Variants in ROBO2 observed in about 807,000 individuals in gnomAD.
ROBO2 encodes roundabout guidance receptor 2, also known as roundabout homolog 2.
Under a neutral mutation model 160.8 loss-of-function variants are expected in ROBO2, and 53 were observed. That is an observed-to-expected ratio of 0.33 (90% CI 0.26 to 0.41). The LOEUF (loss-of-function observed/expected upper bound fraction) is 0.41, where lower values mean the gene tolerates loss of function less well. ROBO2 is among the 10% of genes least tolerant of loss of function. The probability of loss-of-function intolerance (pLI) is 1.00; values close to 1 mark genes in which losing one functional copy is unlikely to be tolerated. For missense variants in ROBO2, 1,577 were observed against 1,722.4 expected, an observed-to-expected ratio of 0.92 and a Z score of 1.49; for synonymous variants, 664 against 611.7, an observed-to-expected ratio of 1.09 and a Z score of -1.26.
chr3:77,268,498 A>G (rs1267636956), intron 2 of ROBO2, among the ~76,000 whole-genome samples: 1 of 152,172 alleles, frequency 6.6e-6, no homozygotes, highest in Admixed American at 6.5e-5. Context: ...CCACCTGAAA[A>G]AGAGTTTAGG....
intron 2 of ROBO2, among the ~76,000 whole-genome samples, chr3:77,245,321 C>T (rs2089598487): frequency 6.6e-6 from 1 of 152,146 alleles, no homozygotes; most frequent in African/African-American, 2.4e-5. Context: ...CGCATTGCTA[C>T]ATCATCTGTT....
At chr3:76,756,936 T>C (rs1050135836) in intron 2 of ROBO2, among the ~76,000 whole-genome samples, 6 of 151,972 alleles carry the variant, frequency 3.9e-5, no homozygotes, top group African/African-American at 1.4e-4. Context: ...AAGGGATTAT[T>C]AGTGATAAAT....
chr3:76,272,961 TTTATATATAA>T (rs1707643748), intron 2 of ROBO2, among the ~76,000 whole-genome samples: 1 of 9,250 alleles, frequency 1.1e-4, no homozygotes, highest in Non-Finnish European at 5.4e-4. Flanking sequence ...ATAATATATA[TTTATATATAA>T]AATATATATA....
chr3:76,495,422 A>G (rs891352507), intron 2 of ROBO2, among the ~76,000 whole-genome samples: 1 of 152,052 alleles, frequency 6.6e-6, no homozygotes, highest in Admixed American at 6.6e-5. Flanking sequence ...CATATTCAGT[A>G]AGTGAAAAGC....
intron 2 of ROBO2, among the ~76,000 whole-genome samples, chr3:77,228,725 C>A (rs1580193030): frequency 6.6e-6 from 1 of 151,678 alleles, no homozygotes; most frequent in East Asian, 1.9e-4. Flanking sequence ...TATCCCAGAA[C>A]TTAAGTATAA....
intron 1 of ROBO2, among the ~76,000 whole-genome samples, chr3:75,919,877 G>A (rs1191829592): frequency 1.3e-5 from 2 of 152,056 alleles, no homozygotes; most frequent in African/African-American, 4.8e-5. Context: ...GGCATCAGTG[G>A]TGATATCCCC....
At chr3:77,025,992 AT>A (rs1376439424) in intron 2 of ROBO2, among the ~76,000 whole-genome samples, 4 of 152,210 alleles carry the variant, frequency 2.6e-5, no homozygotes, top group African/African-American at 9.6e-5. Context: ...TGCCACCACC[AT>A]CATTGACAGC....
chr3:77,574,358 G>T, intron 13 of ROBO2, 141 bp from the exon 15 acceptor site: 1 of 719,534 alleles, frequency 1.4e-6, no homozygotes. Flanking sequence ...ATTAGAAGCA[G>T]AGAGATTAGC....
chr3:76,432,323 A>T (rs1219504281), intron 2 of ROBO2, among the ~76,000 whole-genome samples: 2 of 152,182 alleles, frequency 1.3e-5, no homozygotes, highest in East Asian at 3.9e-4. Context: ...TATTTTAAGT[A>T]TATTAGTTAT....
At chr3:77,245,652 T>C (rs1006681533) in intron 2 of ROBO2, among the ~76,000 whole-genome samples, 11 of 152,228 alleles carry the variant, frequency 7.2e-5, no homozygotes, top group Non-Finnish European at 1.6e-4. Flanking sequence ...TCAGAGAAAC[T>C]GGCAAACAAG....
rs374946865 is a variant in ROBO2 at position 77,174,666 on chromosome 3, G to A, written c.388+76326G>A. Among the ~76,000 whole-genome samples, 3 of 152,034 alleles carry A rather than the reference G, an allele frequency of 2.0e-5. No homozygotes were observed. In the East Asian group the frequency reaches 5.8e-4, roughly 30 times the overall value. ...TTTCTGTTCTGATACTCATGTCTGT[G>A]ACTAACAAACCTATCTGCTTATGTT... On this transcript the variant is annotated intron_variant, in intron 2 of 25. Coordinates refer to ENST00000461745, the Ensembl canonical transcript of ROBO2.
rs143312773 is a variant in ROBO2, at chr3:77,116,939, C to G, written c.388+18599C>G. 3.0e-3 allele frequency among the ~76,000 whole-genome samples: 451 copies of G among 152,290 alleles called. 3 individuals carry two copies. The highest frequency in any genetic ancestry group is 9.9e-3 in the African/African-American group (413 of 41,566). ...TAGTCCATCATCTGAGGACTCATAA[C>G]ACATTTTCTTCAACAATAACATGCT... On this transcript the variant is annotated intron_variant, in intron 2 of 25. Coordinates refer to ENST00000461745, the Ensembl canonical transcript of ROBO2.
chr3:76,436,618 A>C (rs939008671), intron 2 of ROBO2, among the ~76,000 whole-genome samples: 3 of 152,182 alleles, frequency 2.0e-5, no homozygotes, highest in Non-Finnish European at 2.9e-5. Context: ...AGACCTGTGG[A>C]AATAAACCTT....
chr3:77,179,605 T>G (rs2080502349), intron 2 of ROBO2, among the ~76,000 whole-genome samples: 1 of 152,060 alleles, frequency 6.6e-6, no homozygotes, highest in African/African-American at 2.4e-5. Context: ...TTTAAAAAAT[T>G]AATAACATTA....
At chr3:76,907,623 T>C (rs1423204613) in intron 2 of ROBO2, among the ~76,000 whole-genome samples, 1 of 152,194 alleles carries the variant, frequency 6.6e-6, no homozygotes, top group African/African-American at 2.4e-5. Flanking sequence ...GTAAGATTCA[T>C]TTAACAATTT....
intron 2 of ROBO2, among the ~76,000 whole-genome samples, chr3:76,258,648 C>G (rs1706550981): frequency 6.6e-6 from 1 of 151,838 alleles, no homozygotes; most frequent in East Asian, 1.9e-4. Flanking sequence ...TTGATCATTT[C>G]TTCATCTCCT....
intron 2 of ROBO2, among the ~76,000 whole-genome samples, chr3:77,345,042 C>G (rs1248942671): frequency 6.6e-6 from 1 of 151,890 alleles, no homozygotes; most frequent in Non-Finnish European, 1.5e-5. Flanking sequence ...TTATGTGGGT[C>G]AATAATTTGT....
chr3:76,072,560 G>GT (rs1045476341), intron 2 of ROBO2, among the ~76,000 whole-genome samples: 26 of 151,966 alleles, frequency 1.7e-4, no homozygotes, highest in African/African-American at 6.3e-4. Context: ...TTAAAGCTTA[G>GT]TTTTTTTGTT....
chr3:76,502,960 G>T (rs531380059), intron 2 of ROBO2, among the ~76,000 whole-genome samples: 6 of 151,920 alleles, frequency 3.9e-5, no homozygotes, highest in South Asian at 2.1e-4. Context: ...AGTAGTCAGG[G>T]TTCTCTTAGA....
Sources: gnomAD v4.1 joint callset for allele counts (sites outside exome capture counted in the v4.1 genomes callset) on GRCh38, gnomAD v4.1.1 for gene constraint, MANE v1.5 for transcripts, NCBI Gene and HGNC (gene_info 2026-07-23, HGNC 2026-07-21) for gene names.